Variants in GPR39 observed in about 807,000 individuals in gnomAD.
GPR39 encodes G protein-coupled receptor 39.
A neutral mutation model predicts 18.4 loss-of-function variants in GPR39; 23 were observed. The ratio of observed to expected loss-of-function variants is 1.25; its 90% CI spans 0.90 to 1.77. The LOEUF is 1.77. GPR39 is among the 40% of genes most tolerant of loss of function. The probability of loss-of-function intolerance (pLI) is 0.00; values close to 1 mark genes in which losing one functional copy is unlikely to be tolerated. For missense variants in GPR39, 647 were observed against 602.4 expected, an observed-to-expected ratio of 1.07 and a Z score of -0.78; for synonymous variants, 280 against 257.9, an observed-to-expected ratio of 1.09 and a Z score of -0.82.
At chr2:132,449,725 C>CTT (rs5834312) in intron 1 of GPR39, among the ~76,000 whole-genome samples, 7 of 151,774 alleles carry the variant, frequency 4.6e-5, no homozygotes, top group African/African-American at 7.2e-5. Flanking sequence ...AGCACTGATC[C>CTT]TTTTTTTTAA....
chr2:132,474,377 A>G (rs1437579614), intron 1 of GPR39, among the ~76,000 whole-genome samples: 1 of 152,198 alleles, frequency 6.6e-6, no homozygotes, highest in African/African-American at 2.4e-5. Context: ...GGGGTGCACA[A>G]GCCCTGTTCT....
At chr2:132,642,737 T>G (rs560077688) in intron 1 of GPR39, among the ~76,000 whole-genome samples, 9 of 152,372 alleles carry the variant, frequency 5.9e-5, no homozygotes, top group African/African-American at 1.9e-4. Context: ...ATTGCCTTTC[T>G]GGATTCTCAC....
At chr2:132,513,214 G>C (rs184605423) in intron 1 of GPR39, among the ~76,000 whole-genome samples, 87 of 152,374 alleles carry the variant, frequency 5.7e-4, no homozygotes, top group African/African-American at 1.8e-3. Context: ...CCTAGCCCCA[G>C]AAGTAGGACA....
chr2:132,640,249 C>T (rs1259142162), intron 1 of GPR39, among the ~76,000 whole-genome samples: 1 of 152,144 alleles, frequency 6.6e-6, no homozygotes, highest in Non-Finnish European at 1.5e-5. Flanking sequence ...TAAGATGAAA[C>T]CAAGCAGGCT....
chr2:132,471,926 T>C (rs1681040363), intron 1 of GPR39, among the ~76,000 whole-genome samples: 1 of 152,180 alleles, frequency 6.6e-6, no homozygotes, highest in Non-Finnish European at 1.5e-5. Context: ...CCGCAATGTG[T>C]ATCAACTTCA....
At chr2:132,496,981 T>C (rs1681652921) in intron 1 of GPR39, among the ~76,000 whole-genome samples, 1 of 152,238 alleles carries the variant, frequency 6.6e-6, no homozygotes, top group Non-Finnish European at 1.5e-5. Flanking sequence ...TTCCCAATTT[T>C]ACTTTCATAT....
rs550667197 is a variant in GPR39, at chr2:132,465,114, T to C, written c.856+47216T>C. 3.3e-5 allele frequency among the ~76,000 whole-genome samples: 5 copies of C among 152,316 alleles called. No individual in the cohort carries two copies. In the East Asian group the frequency reaches 9.6e-4, roughly 29 times the overall value. ...AGCAAACAGGTGGTAATTTGGAATA[T>C]GTGAAAGTGATTGGTTCTCTCTGAA... On this transcript the variant is annotated intron_variant, in intron 1 of 1. Coordinates refer to ENST00000329321, the MANE Select transcript of GPR39 (RefSeq NM_001508.3).
At chr2:132,574,733 G>A (rs1384242604) in intron 1 of GPR39, among the ~76,000 whole-genome samples, 2 of 152,118 alleles carry the variant, frequency 1.3e-5, no homozygotes, top group African/African-American at 2.4e-5. Context: ...AGACTTTGTC[G>A]CTAAATGAAT....
At chr2:132,443,479 T>C (rs1680475682) in intron 1 of GPR39, among the ~76,000 whole-genome samples, 1 of 152,226 alleles carries the variant, frequency 6.6e-6, no homozygotes, top group African/African-American at 2.4e-5. Context: ...TTCAACACTT[T>C]CCTAGAAAAT....
chr2:132,634,572 A>T (rs1681714945), intron 1 of GPR39, among the ~76,000 whole-genome samples: 1 of 152,294 alleles, frequency 6.6e-6, no homozygotes, highest in South Asian at 2.1e-4. Context: ...TAATTGTCAG[A>T]TTTTATTCCC....
At chr2:132,597,909 C>G (rs575443570) in intron 1 of GPR39, among the ~76,000 whole-genome samples, 14 of 152,170 alleles carry the variant, frequency 9.2e-5, no homozygotes, top group Non-Finnish European at 1.3e-4. Context: ...GATCCCATAC[C>G]CAAAGTCTAG....
chr2:132,416,823 C>G lies in GPR39; in HGVS notation c.-220C>G, dbSNP rs1679908909. On this transcript the variant is annotated 5_prime_UTR_variant, in exon 1 of 2. Coordinates refer to ENST00000329321, the MANE Select transcript of GPR39 (RefSeq NM_001508.3). ...CCCAGCCACATACACTCCCAAACCT[C>G]AACACCCAGGCGCCTCCTGGGCCTC... is the stretch of plus-strand genomic sequence containing the variant. The G allele has an allele frequency of 4.8e-6, 3 of 618,932 alleles. No homozygotes were observed. Among genetic ancestry groups the G allele is most frequent in the African/African-American group, 3.7e-5 (2 of 54,306 alleles). The allele number at this position is 618,932 out of a possible 1,614,324, so 38.3% of individuals were successfully genotyped here. A position where few individuals can be genotyped will look rare whatever the true frequency, so the allele number is the denominator to read the frequency against.
intron 1 of GPR39, among the ~76,000 whole-genome samples, chr2:132,427,104 TATATATATA>T (rs1680133100): frequency 7.7e-6 from 1 of 129,726 alleles, no homozygotes; most frequent in Non-Finnish European, 1.6e-5. Context: ...TATAGGTACA[TATATATATA>T]ATATACATAT....
Position 132,624,199 on chromosome 2 carries a change from C to A in GPR39, c.857-20902C>A, listed in dbSNP as rs80053233. On this transcript the variant is annotated intron_variant, in intron 1 of 1. Coordinates refer to ENST00000329321, the MANE Select transcript of GPR39 (RefSeq NM_001508.3). ...CTCTCCTTGGCTCACAGATGGCCCT[C>A]TTCTCCCTGTGTCTTTCTGTGGTTG... Among the ~76,000 whole-genome samples the A allele has an allele frequency of 1.2e-3, 185 of 152,304 alleles. 3 individuals carry two copies. The highest frequency in any genetic ancestry group is 4.4e-3 in the African/African-American group (182 of 41,552).
intron 1 of GPR39, among the ~76,000 whole-genome samples, chr2:132,485,423 C>G (rs934486047): frequency 2.6e-5 from 4 of 152,206 alleles, no homozygotes; most frequent in Non-Finnish European, 4.4e-5. Flanking sequence ...ACTGACTCTT[C>G]TTCAACAAAA....
At chr2:132,569,656 T>C (rs1369613906) in intron 1 of GPR39, among the ~76,000 whole-genome samples, 2 of 151,938 alleles carry the variant, frequency 1.3e-5, no homozygotes, top group Non-Finnish European at 2.9e-5. Flanking sequence ...CATCGTTCCC[T>C]AGAGCTGGCT....
intron 1 of GPR39, among the ~76,000 whole-genome samples, chr2:132,501,373 T>C (rs1679035014): frequency 6.6e-6 from 1 of 152,186 alleles, no homozygotes; most frequent in Non-Finnish European, 1.5e-5. Flanking sequence ...AATTTCCATG[T>C]ATTTGCATGC....
In GPR39 at chr2:132,645,254, C is replaced by A. The variant is rs377006153; in HGVS notation, c.1010C>A (p.Ser337Ter). Residue 337 changes from serine (S) to a stop codon, truncating the protein, a stop_gained, in exon 2 of 2, where the codon TCG (serine) becomes TAG (stop). Coordinates refer to ENST00000329321, the MANE Select transcript of GPR39 (RefSeq NM_001508.3). LOFTEE classifies it low-confidence loss of function (END_TRUNC). ...PFSETFFYLS[S>*]VINPLLYTVS... ...TCGGAGACGTTTTTCTACCTCAGCT[C>A]GGTCATCAACCCGCTCCTGTACACG... 8 of 1,614,064 alleles carry A rather than the reference C, an allele frequency of 5.0e-6. No homozygotes were observed. Among genetic ancestry groups the A allele is most frequent in the Non-Finnish European group, 6.8e-6 (8 of 1,180,048 alleles).
Position 132,425,700 on chromosome 2 carries a change from C to T in GPR39, c.856+7802C>T, listed in dbSNP as rs150804320. 8.5e-5 allele frequency among the ~76,000 whole-genome samples: 13 copies of T among 152,242 alleles called. No individual in the cohort carries two copies. In the East Asian group the frequency reaches 2.1e-3, roughly 25 times the overall value. On this transcript the variant is annotated intron_variant, in intron 1 of 1. Transcript: ENST00000329321. The stretch of plus-strand genomic sequence containing the variant: ...AACCAAGTCACATGAGCCTTTAAAT[C>T]TGGGTCTAGAGGTCAGAGGCAGGAG...
Sources: allele counts gnomAD v4.1 joint callset (sites outside exome capture counted in the v4.1 genomes callset), GRCh38; gene constraint gnomAD v4.1.1; transcripts MANE v1.5; gene names NCBI Gene and HGNC (gene_info 2026-07-23, HGNC 2026-07-21).